The following RAB6B variants were observed in gnomAD, a reference collection of about 807,000 sequenced individuals.
RAB6B encodes RAB6B, member RAS oncogene family.
In RAB6B, 7 loss-of-function variants were observed where a neutral mutation model predicts 31.2. The ratio of observed to expected loss-of-function variants is 0.22; its 90% confidence interval spans 0.13 to 0.42. RAB6B has a LOEUF of 0.42. Among genes scored for constraint, RAB6B ranks in the 10% least tolerant of loss-of-function variants. The probability of loss-of-function intolerance (pLI) is 1.00; values close to 1 mark genes in which losing one functional copy is unlikely to be tolerated. For missense variants in RAB6B, 149 were observed against 280.6 expected (o/e 0.53, Z 3.35); for synonymous variants, 105 against 104.9 (o/e 1.00, Z -0.01).
At chr3:133,865,385 CT>C (rs1936223350) in intron 1 of RAB6B, among the ~76,000 whole-genome samples, 1 of 152,246 alleles carries the variant, frequency 6.6e-6, no homozygotes, top group Non-Finnish European at 1.5e-5. Context: ...CCTACAAATG[CT>C]GCTAATTTCC....
chr3:133,877,528 C>T (rs1936412980), intron 1 of RAB6B, among the ~76,000 whole-genome samples: 1 of 152,006 alleles, frequency 6.6e-6, no homozygotes, highest in Non-Finnish European at 1.5e-5. Flanking sequence ...CCACAGCTAG[C>T]AAATCTTAAG....
rs983422445 is a variant in RAB6B, at chr3:133,825,747, C to G, written c.*3041G>C. ...GTTGATAAGCTTTTAAGATTCACCC[C>G]CTTCACTCCCACCATCCCCAAAAAA... On this transcript the variant is annotated 3_prime_UTR_variant, in exon 8 of 8. Transcript: ENST00000285208. 39 of 152,326 alleles carry G rather than the reference C, an allele frequency of 2.6e-4. No homozygotes were observed. Among genetic ancestry groups the G allele is most frequent in the African/African-American group, 9.1e-4 (38 of 41,560 alleles). 9.4% of individuals were successfully genotyped at this position (152,326 alleles called of 1,614,324 possible). A position where few individuals can be genotyped will look rare whatever the true frequency, so the allele number is the denominator to read the frequency against.
chr3:133,863,970 C>A (rs559877012), intron 2 of RAB6B, among the ~76,000 whole-genome samples: 120 of 152,268 alleles, frequency 7.9e-4, no homozygotes, highest in Admixed American at 3.9e-4. Context: ...CTTCAGGGCA[C>A]CTGGAACCAC....
In RAB6B at chr3:133,827,982, G is replaced by A. The variant is rs1388845092; in HGVS notation, c.*806C>T. 1 of 702,882 alleles carries A rather than the reference G, an allele frequency of 1.4e-6. No individual in the cohort carries two copies. Among genetic ancestry groups the A allele is most frequent in the Admixed American group, 2.0e-5 (1 of 49,996 alleles). The allele number at this position is 702,882 out of a possible 1,614,324, so 43.5% of individuals were successfully genotyped here. A position where few individuals can be genotyped will look rare whatever the true frequency, so the allele number is the denominator to read the frequency against. ...CACCACGCAGCTGCAATTGCCAACAGCACCTCGTCCTTCTGATGGCCTCTT... is the reference window on the plus strand; with the variant it reads ...CACCACGCAGCTGCAATTGCCAACAACACCTCGTCCTTCTGATGGCCTCTT... On this transcript the variant is annotated 3_prime_UTR_variant, in exon 8 of 8. Transcript: ENST00000285208.
intron 6 of RAB6B, among the ~76,000 whole-genome samples, chr3:133,835,257 G>A (rs1935716496): frequency 6.6e-6 from 1 of 152,114 alleles, no homozygotes; most frequent in African/African-American, 2.4e-5. Context: ...TACAGTGTAT[G>A]TGTTTTATCT....
In RAB6B at chr3:133,850,746, G is replaced by A. The variant is rs536288376; in HGVS notation, c.130-9083C>T. Among the ~76,000 whole-genome samples the A allele has an allele frequency of 3.3e-5, 5 of 152,048 alleles. No homozygotes were observed. In the South Asian group the frequency reaches 1.0e-3, roughly 32 times the overall value. On this transcript the variant is annotated intron_variant, in intron 2 of 7. Coordinates refer to ENST00000285208, the MANE Select transcript of RAB6B (RefSeq NM_016577.4). Reference sequence around the variant, plus strand: ...TGGACAAAAAAACTAAAGAAATAATGGTGAAAAGTCTTCTGAGTGCAAAAT... The same window carrying A: ...TGGACAAAAAAACTAAAGAAATAATAGTGAAAAGTCTTCTGAGTGCAAAAT...
intron 2 of RAB6B, among the ~76,000 whole-genome samples, chr3:133,860,379 C>T (rs1936142637): frequency 6.6e-6 from 1 of 152,004 alleles, no homozygotes; most frequent in Non-Finnish European, 1.5e-5. Context: ...GTGATACAGC[C>T]ACTAGCCGAG....
At chr3:133,892,279 C>G (rs150801692) in intron 1 of RAB6B, among the ~76,000 whole-genome samples, 3,218 of 152,250 alleles carry the variant, frequency 0.021, 50 homozygotes, top group Middle Eastern at 0.065. Context: ...AAGGAAATCT[C>G]TCATCCTGGG....
intron 1 of RAB6B, among the ~76,000 whole-genome samples, chr3:133,883,467 G>A (rs1291299784): frequency 6.6e-6 from 1 of 152,110 alleles, no homozygotes; most frequent in Non-Finnish European, 1.5e-5. Flanking sequence ...CACCCTGCCC[G>A]GACCTTGACC....
intron 1 of RAB6B, among the ~76,000 whole-genome samples, chr3:133,887,620 AG>A (rs1289638561): frequency 6.6e-6 from 1 of 152,194 alleles, no homozygotes; most frequent in Admixed American, 6.5e-5. Flanking sequence ...CACCCAGCCC[AG>A]TAGCCTTGAG....
intron 7 of RAB6B, among the ~76,000 whole-genome samples, chr3:133,832,937 TG>T (rs1935676544): frequency 6.6e-6 from 1 of 152,204 alleles, no homozygotes; most frequent in South Asian, 2.1e-4. Flanking sequence ...CTGACCTGAC[TG>T]TGGGCCCAGC....
chr3:133,857,571 A>T (rs1936099563), intron 2 of RAB6B, among the ~76,000 whole-genome samples: 1 of 151,986 alleles, frequency 6.6e-6, no homozygotes, highest in Non-Finnish European at 1.5e-5. Context: ...GGCATTTTAG[A>T]TTCTGTGGGT....
chr3:133,874,238 G>C (rs1392407446), intron 1 of RAB6B, among the ~76,000 whole-genome samples: 2 of 152,192 alleles, frequency 1.3e-5, no homozygotes. Flanking sequence ...CTTAATGAGA[G>C]GGATAAGTTC....
chr3:133,857,748 T>C (rs887831710), intron 2 of RAB6B, among the ~76,000 whole-genome samples: 1 of 152,190 alleles, frequency 6.6e-6, no homozygotes, highest in African/African-American at 2.4e-5. Context: ...CCCACTGGAC[T>C]CTTCCTTTTT....
chr3:133,842,421 A>G (rs1292036838), intron 2 of RAB6B, among the ~76,000 whole-genome samples: 1 of 152,252 alleles, frequency 6.6e-6, no homozygotes, highest in Non-Finnish European at 1.5e-5. Context: ...GGTACCTGTC[A>G]GTAGGACTGA....
At chr3:133,834,254 T>C (rs897357531) in intron 7 of RAB6B, among the ~76,000 whole-genome samples, 3 of 152,176 alleles carry the variant, frequency 2.0e-5, no homozygotes, top group African/African-American at 7.2e-5. Flanking sequence ...CTGCCTGTGT[T>C]CATGAAACCC....
intron 6 of RAB6B, among the ~76,000 whole-genome samples, chr3:133,836,007 T>C (rs1935729316): frequency 6.6e-6 from 1 of 152,186 alleles, no homozygotes; most frequent in African/African-American, 2.4e-5. Flanking sequence ...CTCACAAATG[T>C]GAATTGCAGG....
chr3:133,848,849 C>T lies in RAB6B; in HGVS notation c.130-7186G>A, dbSNP rs369336207. Among the ~76,000 whole-genome samples the T allele has an allele frequency of 1.4e-4, 22 of 151,924 alleles. 2 individuals are homozygous for T. The highest frequency in any genetic ancestry group is 2.7e-4 in the African/African-American group (11 of 41,400). On this transcript the variant is annotated intron_variant, in intron 2 of 7. Transcript: ENST00000285208. ...TTCAATATGAGTTTTGGTGGTGACA[C>T]TGAAACCATTGCACAGGGTTATTTT...
chr3:133,853,871 C>A (rs1024455575), intron 2 of RAB6B, among the ~76,000 whole-genome samples: 1 of 152,192 alleles, frequency 6.6e-6, no homozygotes, highest in Admixed American at 6.5e-5. Flanking sequence ...TTATTAGTGA[C>A]CGACTGACCT....
Sources: gnomAD v4.1 joint callset for allele counts (sites outside exome capture counted in the v4.1 genomes callset) on GRCh38, gnomAD v4.1.1 for gene constraint, MANE v1.5 for transcripts, NCBI Gene and HGNC (gene_info 2026-07-23, HGNC 2026-07-21) for gene names.